Variants in BRINP3 observed in about 807,000 individuals in gnomAD.
BRINP3 encodes BMP/retinoic acid-inducible neural-specific protein 3.
A neutral mutation model predicts 71.0 loss-of-function variants in BRINP3; 19 were observed. That is an observed-to-expected ratio of 0.27 (90% CI 0.19 to 0.39). The LOEUF is 0.39. Ranked by LOEUF, BRINP3 falls within the 10% of genes least tolerant of loss-of-function variation. BRINP3 has a pLI of 1.00. For synonymous variants in BRINP3, 380 were observed against 337.7 expected (o/e 1.13, Z -1.37); for missense variants, 959 against 940.8 (o/e 1.02, Z -0.25).
chr1:190,297,231 C>T (rs142936595), intron 2 of BRINP3, among the ~76,000 whole-genome samples: 5 of 151,920 alleles, frequency 3.3e-5, no homozygotes, highest in Admixed American at 1.3e-4. Flanking sequence ...CAGAATAAAC[C>T]TATTCATATA....
intron 2 of BRINP3, among the ~76,000 whole-genome samples, chr1:190,327,352 G>GAAAAAAA (rs796445574): frequency 5.2e-5 from 4 of 77,426 alleles, no homozygotes; most frequent in East Asian, 7.5e-4. Context: ...AAAAAAAAAG[G>GAAAAAAA]AAAAAAAAAA....
At chr1:190,356,208 C>T (rs977278779) in intron 2 of BRINP3, among the ~76,000 whole-genome samples, 2 of 151,870 alleles carry the variant, frequency 1.3e-5, no homozygotes, top group African/African-American at 2.4e-5. Context: ...TGGGTTAACT[C>T]TAAATTTGAG....
intron 2 of BRINP3, among the ~76,000 whole-genome samples, chr1:190,289,241 TAACTC>T (rs1663671141): frequency 6.6e-6 from 1 of 152,080 alleles, no homozygotes; most frequent in East Asian, 1.9e-4. Context: ...TTTTGAATAA[TAACTC>T]AATTCAGTAG....
chr1:190,475,340 C>G (rs972797124), intron 1 of BRINP3, among the ~76,000 whole-genome samples: 3 of 152,106 alleles, frequency 2.0e-5, no homozygotes, highest in Non-Finnish European at 4.4e-5. Flanking sequence ...GATCTTAAGT[C>G]TATTCTCTCA....
chr1:190,208,609 C>T (rs1655720684), intron 6 of BRINP3, among the ~76,000 whole-genome samples: 1 of 152,064 alleles, frequency 6.6e-6, no homozygotes, highest in South Asian at 2.1e-4. Flanking sequence ...TTTCTTGATC[C>T]TCAGCTTCCC....
At chr1:190,206,992 T>G (rs1163587625) in intron 6 of BRINP3, among the ~76,000 whole-genome samples, 1 of 148,358 alleles carries the variant, frequency 6.7e-6, no homozygotes, top group Non-Finnish European at 1.5e-5. Flanking sequence ...TGTTTTGTTT[T>G]TTTGTTTTTT....
chr1:190,327,326 CAAAAAAA>C (rs1227478693), intron 2 of BRINP3, among the ~76,000 whole-genome samples: 496 of 44,254 alleles, frequency 0.011, 1 homozygote, highest in Middle Eastern at 0.021. Context: ...AAAAAAAGAA[CAAAAAAA>C]AAAAAAAAAA....
In BRINP3 at chr1:190,097,942, C is replaced by T; in HGVS notation, c.*76G>A. Reference sequence around the variant, plus strand: ...ATTGAAAAGACAATTTAAATTTACTCTTCCAAACATAAACTGTTCCACAAA... The same window carrying T: ...ATTGAAAAGACAATTTAAATTTACTTTTCCAAACATAAACTGTTCCACAAA... On this transcript the variant is annotated 3_prime_UTR_variant, in exon 8 of 8. Transcript: ENST00000367462. 1.4e-6 allele frequency: 2 copies of T among 1,432,882 alleles called. No individual in the cohort carries two copies. Among genetic ancestry groups the T allele is most frequent in the South Asian group, 1.4e-5 (1 of 72,456 alleles). The allele number at this position is 1,432,882 out of a possible 1,614,324, so 88.8% of individuals were successfully genotyped here.
intron 2 of BRINP3, among the ~76,000 whole-genome samples, chr1:190,347,591 A>G (rs1668108099): frequency 6.6e-6 from 1 of 152,176 alleles, no homozygotes; most frequent in Admixed American, 6.6e-5. Context: ...TTCAGTAAAT[A>G]CTTGCTTAAA....
At chr1:190,280,230 G>A (rs886304635) in intron 3 of BRINP3, among the ~76,000 whole-genome samples, 1 of 151,816 alleles carries the variant, frequency 6.6e-6, no homozygotes, top group Non-Finnish European at 1.5e-5. Flanking sequence ...GTAGAAAAAT[G>A]TGAACATCAT....
At chr1:190,227,791 T>C (rs1399038443) in intron 5 of BRINP3, among the ~76,000 whole-genome samples, 1 of 151,850 alleles carries the variant, frequency 6.6e-6, no homozygotes, top group African/African-American at 2.4e-5. Flanking sequence ...ATTGTTTCAT[T>C]GCAAATGGGC....
chr1:190,412,604 A>G (rs1672761525), intron 2 of BRINP3, among the ~76,000 whole-genome samples: 1 of 149,096 alleles, frequency 6.7e-6, no homozygotes, highest in African/African-American at 2.4e-5. Context: ...CTGGGACTAC[A>G]GGTGCCCGCC....
chr1:190,132,953 G>C (rs1164236574), intron 7 of BRINP3, among the ~76,000 whole-genome samples: 1 of 152,070 alleles, frequency 6.6e-6, no homozygotes, highest in African/African-American at 2.4e-5. Flanking sequence ...TCAAGGATCT[G>C]ACAACTCCTG....
At chr1:190,117,084 A>G (rs1653201596) in intron 7 of BRINP3, among the ~76,000 whole-genome samples, 1 of 152,098 alleles carries the variant, frequency 6.6e-6, no homozygotes. Context: ...TGCAGAATAT[A>G]GAACTAAAAG....
chr1:190,420,806 G>C (rs1278121958), intron 2 of BRINP3, among the ~76,000 whole-genome samples: 1 of 151,814 alleles, frequency 6.6e-6, no homozygotes, highest in African/African-American at 2.4e-5. Context: ...GACAAAAACA[G>C]CTTAAATTTT....
intron 2 of BRINP3, among the ~76,000 whole-genome samples, chr1:190,452,534 G>A (rs1198422190): frequency 6.6e-6 from 1 of 152,054 alleles, no homozygotes; most frequent in Non-Finnish European, 1.5e-5. Flanking sequence ...TCCAAATAAT[G>A]CCTCTTTCAT....
At chr1:190,150,551 T>C (rs1656300566) in intron 7 of BRINP3, among the ~76,000 whole-genome samples, 1 of 152,190 alleles carries the variant, frequency 6.6e-6, no homozygotes, top group African/African-American at 2.4e-5. Context: ...TTTACCTGAT[T>C]TCTGGTGTTT....
chr1:190,321,823 A>G (rs2103052935), intron 2 of BRINP3, among the ~76,000 whole-genome samples: 1 of 152,212 alleles, frequency 6.6e-6, no homozygotes, highest in East Asian at 1.9e-4. Context: ...ACCTTGTGGT[A>G]TGCAAACCTC....
chr1:190,248,792 T>C (rs1659852258), intron 4 of BRINP3, among the ~76,000 whole-genome samples: 1 of 151,694 alleles, frequency 6.6e-6, no homozygotes, highest in Non-Finnish European at 1.5e-5. Flanking sequence ...CTATATATTG[T>C]ATTGCATATG....
Sources: allele counts gnomAD v4.1 joint callset (sites outside exome capture counted in the v4.1 genomes callset), GRCh38; gene constraint gnomAD v4.1.1; transcripts MANE v1.5; gene names NCBI Gene and HGNC (gene_info 2026-07-23, HGNC 2026-07-21).